The following CPT2 variants were observed in gnomAD, a reference collection of about 807,000 sequenced individuals.
CPT2 encodes the protein carnitine palmitoyltransferase 2.
A neutral mutation model predicts 48.6 loss-of-function variants in CPT2; 37 were observed. The observed-to-expected ratio is 0.76, with a 90% CI of 0.59 to 1.00. The LOEUF is 1.00. CPT2 is among the 50% of genes least tolerant of loss of function. The probability of loss-of-function intolerance (pLI) is 0.00; values close to 1 mark genes in which losing one functional copy is unlikely to be tolerated. For missense variants in CPT2, 772 were observed against 825.6 expected (o/e 0.94, Z 0.80); for synonymous variants, 319 against 326.9 (o/e 0.98, Z 0.26).
rs1408432814 is a variant in CPT2 at position 53,196,922 on chromosome 1, G to A, written c.-22G>A. The A allele has an allele frequency of 6.5e-7, 1 of 1,539,534 alleles. No homozygotes were observed. Among genetic ancestry groups the A allele is most frequent in the Non-Finnish European group, 8.7e-7 (1 of 1,151,486 alleles). Reference sequence around the variant, plus strand: ...AGAACTCCCCACTTGCCGCGTTCTCGCCGCCGCAGGCTCCCGGGACGATGG... The same window carrying A: ...AGAACTCCCCACTTGCCGCGTTCTCACCGCCGCAGGCTCCCGGGACGATGG... On this transcript the variant is annotated 5_prime_UTR_variant, in exon 1 of 5. Coordinates refer to ENST00000371486, the MANE Select transcript of CPT2 (RefSeq NM_000098.3).
intron 1 of CPT2, chr1:53,197,441 A>T (rs777443672): frequency 2.5e-6 from 1 of 398,850 alleles, no homozygotes; most frequent in Admixed American, 4.0e-5. Context: ...GCGCCGCTGT[A>T]ATCCCTCGAC....
chr1:53,211,045 G>A lies in CPT2; in HGVS notation c.1371G>A (p.Lys457=), dbSNP rs745432304. The change falls in exon 4 of 5, where the codon AAG becomes AAA. Residue 457 remains lysine (K), a synonymous_variant. Transcript: ENST00000371486. The part of the protein sequence containing the change: ...QFQRGGKEFL[K]KQKLSPDAVA... ...AGAGAGGAGGCAAAGAATTCCTGAA[G>A]AAGCAAAAGCTGAGCCCTGACGCAG... The A allele has an allele frequency of 6.2e-7, 1 of 1,614,206 alleles. No homozygotes were observed. Among genetic ancestry groups the A allele is most frequent in the South Asian group, 1.1e-5 (1 of 91,082 alleles).
chr1:53,211,454 CT>C (rs1415302263), intron 4 of CPT2, 135 bp downstream of exon 4: 2 of 882,876 alleles, frequency 2.3e-6, no homozygotes, highest in Admixed American at 4.3e-5. Context: ...CCAAATTTTT[CT>C]TTTCTACCCT....
At chr1:53,207,494 T>C (rs191317017) in intron 3 of CPT2, 52 of 152,274 alleles carry the variant, frequency 3.4e-4, no homozygotes, top group African/African-American at 1.2e-3. Flanking sequence ...CAGAGTCTCA[T>C]TTTGTCACCC....
In CPT2 at chr1:53,205,931, C is replaced by T. The variant is rs576285690; in HGVS notation, c.340+3502C>T. On this transcript the variant is annotated intron_variant, in intron 3 of 4. Transcript: ENST00000371486. ...GGTGCGGTGGCTCACGCCTGTAATCCCAGCACTTTGGGAGGCCAAGGCGGG... is the reference window on the plus strand; with the variant it reads ...GGTGCGGTGGCTCACGCCTGTAATCTCAGCACTTTGGGAGGCCAAGGCGGG... Among the ~76,000 whole-genome samples, 451 of 152,284 alleles carry T rather than the reference C, an allele frequency of 3.0e-3. 5 individuals carry two copies. The highest frequency in any genetic ancestry group is 0.011 in the African/African-American group (438 of 41,544).
chr1:53,213,697 G>A lies in CPT2; in HGVS notation c.*102G>A, dbSNP rs1313649678. On this transcript the variant is annotated 3_prime_UTR_variant, in exon 5 of 5. Transcript: ENST00000371486. ...TAATCCCAGCATTTTGAGAGGCTGA[G>A]GCGGGTGGATCACTTGAGGTCAGGA... 2 of 1,087,440 alleles carry A rather than the reference G, an allele frequency of 1.8e-6. No homozygotes were observed. The highest frequency in any genetic ancestry group is 1.3e-5 in the South Asian group (1 of 75,220). 67.4% of individuals were successfully genotyped at this position (1,087,440 alleles called of 1,614,324 possible).
chr1:53,202,407 T>C lies in CPT2; in HGVS notation c.318T>C (p.Asn106=). ...HEQLVALDKQ[N]KHTSYISGPW... The stretch of plus-strand genomic sequence containing the variant: ...AGCTGGTTGCTCTGGACAAACAGAA[T>C]AAACATACAAGCTACATTTCGGGTA... Residue 106 remains asparagine, a synonymous_variant, in exon 3 of 5, where the codon AAT becomes AAC. Coordinates refer to ENST00000371486, the MANE Select transcript of CPT2 (RefSeq NM_000098.3). The C allele has an allele frequency of 1.2e-6, 2 of 1,614,000 alleles. No individual in the cohort carries two copies. The highest frequency in any genetic ancestry group is 1.7e-6 in the Non-Finnish European group (2 of 1,179,836).
Position 53,211,216 on chromosome 1 carries a change from G to C in CPT2, c.1542G>C (p.Glu514Asp). 1 of 1,609,898 alleles carries C rather than the reference G, an allele frequency of 6.2e-7. No homozygotes were observed. The highest frequency in any genetic ancestry group is 8.5e-7 in the Non-Finnish European group (1 of 1,177,154). Residue 514 changes from glutamate to aspartate, a missense_variant, in exon 4 of 5, where the codon GAG becomes GAC. Coordinates refer to ENST00000371486, the MANE Select transcript of CPT2 (RefSeq NM_000098.3). ...CCGTCTATACAAAGAGGTGCTCTGAGGCCTTTGTCAGGGAGCCCTCCAGGC... is the reference window on the plus strand; with the variant it reads ...CCGTCTATACAAAGAGGTGCTCTGACGCCTTTGTCAGGGAGCCCTCCAGGC... ...PASVYTKRCS[E>D]AFVREPSRHS...
At chr1:53,209,629 A>T in intron 3 of CPT2, 1 of 243,878 alleles carries the variant, frequency 4.1e-6, no homozygotes, top group Non-Finnish European at 8.1e-6. Context: ...TCCAAAAATT[A>T]TCTGGGCATG....
At chr1:53,200,585 G>T in intron 1 of CPT2, 134 bp from the exon 2 acceptor site, 1 of 763,474 alleles carries the variant, frequency 1.3e-6, no homozygotes, top group South Asian at 1.4e-5. Context: ...CATTGATTCT[G>T]ATTTGTCAGT....
intron 3 of CPT2, among the ~76,000 whole-genome samples, chr1:53,204,538 G>C (rs1424821007): frequency 6.6e-6 from 1 of 151,898 alleles, no homozygotes; most frequent in African/African-American, 2.4e-5. Context: ...TCATAATCCT[G>C]TGTTGTCTTC....
At chr1:53,202,898 T>C (rs1488185063) in intron 3 of CPT2, 1 of 176,790 alleles carries the variant, frequency 5.7e-6, no homozygotes. Flanking sequence ...GCCTGGCAAA[T>C]TCTTCTTTTA....
At chr1:53,212,119 C>T (rs1167433397) in intron 4 of CPT2, among the ~76,000 whole-genome samples, 1 of 145,814 alleles carries the variant, frequency 6.9e-6, no homozygotes, top group Non-Finnish European at 1.5e-5. Flanking sequence ...GGCTGGAGTG[C>T]AGTGGCACAA....
In CPT2 at chr1:53,213,825, A is replaced by AGGTTGAAGCAGAATT. The variant is rs1645448105; in HGVS notation, c.*232_*246dup. 3 of 485,972 alleles carry AGGTTGAAGCAGAATT rather than the reference A, an allele frequency of 6.2e-6. No homozygotes were observed. Among genetic ancestry groups the AGGTTGAAGCAGAATT allele is most frequent in the South Asian group, 6.1e-5 (3 of 49,500 alleles). The allele number at this position is 485,972 out of a possible 1,614,324, so 30.1% of individuals were successfully genotyped here. A position where few individuals can be genotyped will look rare whatever the true frequency, so the allele number is the denominator to read the frequency against. ...GTGCCTATAATCCCAGCTACTTGGG[A>AGGTTGAAGCAGAATT]GGTTGAAGCAGAATTGCTTGAACCC... On this transcript the variant is annotated 3_prime_UTR_variant, in exon 5 of 5. Transcript: ENST00000371486.
Position 53,214,032 on chromosome 1 carries a change from A to G in CPT2, c.*437A>G, listed in dbSNP as rs1177159009. On this transcript the variant is annotated 3_prime_UTR_variant, in exon 5 of 5. Transcript: ENST00000371486. ...AGCCAGCTACAGGCTTGAGCTTTAA[A>G]TTCATGGTTTTAAAGCTAAACGTAA... 16 of 196,160 alleles carry G rather than the reference A, an allele frequency of 8.2e-5. No individual in the cohort carries two copies. The Admixed American group carries it at 8.5e-4, about 10-fold the overall frequency. 12.2% of individuals were successfully genotyped at this position (196,160 alleles called of 1,614,324 possible). A position where few individuals can be genotyped will look rare whatever the true frequency, so the allele number is the denominator to read the frequency against.
chr1:53,197,061 G>A lies in CPT2; in HGVS notation c.118G>A (p.Val40Met). 1.3e-6 allele frequency: 2 copies of A among 1,539,142 alleles called. No individual in the cohort carries two copies. Among genetic ancestry groups the A allele is most frequent in the Non-Finnish European group, 8.7e-7 (1 of 1,146,418 alleles). ...CGGCCAGTACCTGCAGCGCAGCATC[G>A]TGCCCACCATGCACTACCAGGACAG... ...GPGQYLQRSI[V>M]PTMHYQDSLP... is the part of the protein sequence containing the mutation. The change falls in exon 1 of 5, where the codon GTG becomes ATG. Residue 40 changes from valine to methionine, a missense_variant. Coordinates refer to ENST00000371486, the MANE Select transcript of CPT2 (RefSeq NM_000098.3).
At chr1:53,211,603 T>TC (rs1451597824) in intron 4 of CPT2, 10 of 158,504 alleles carry the variant, frequency 6.3e-5, no homozygotes, top group East Asian at 3.6e-4. Flanking sequence ...TTTCTTTCTT[T>TC]TTTTTTTTTT....
At position 53,196,953 on chromosome 1, in the gene CPT2, C is replaced by A; in HGVS notation, c.10C>A (p.Arg4Ser). 1.9e-6 allele frequency: 3 copies of A among 1,542,518 alleles called. No homozygotes were observed. Among genetic ancestry groups the A allele is most frequent in the Non-Finnish European group, 8.7e-7 (1 of 1,152,972 alleles). Reference sequence around the variant, plus strand: ...GCAGGCTCCCGGGACGATGGTGCCCCGCCTGCTGCTGCGCGCCTGGCCCCG... The same window carrying A: ...GCAGGCTCCCGGGACGATGGTGCCCAGCCTGCTGCTGCGCGCCTGGCCCCG... MVP[R>S]LLLRAWPRGP... The change falls in exon 1 of 5, where the codon CGC (arginine) becomes AGC (serine). Residue 4 changes from arginine (R) to serine (S), a missense_variant. Physicochemically the swap from Arg to Ser is moderately radical, Grantham distance 110. Coordinates refer to ENST00000371486, the MANE Select transcript of CPT2 (RefSeq NM_000098.3).
At chr1:53,203,775 C>CT (rs1553169187) in intron 3 of CPT2, 3 of 66,908 alleles carry the variant, frequency 4.5e-5, no homozygotes, top group East Asian at 1.1e-3. Flanking sequence ...TTGGCTTTTT[C>CT]TTTTTCTTTT....
Sources: gnomAD v4.1 joint callset for allele counts (sites outside exome capture counted in the v4.1 genomes callset) on GRCh38, gnomAD v4.1.1 for gene constraint, MANE v1.5 for transcripts, NCBI Gene and HGNC (gene_info 2026-07-23, HGNC 2026-07-21) for gene names.